Variants in BMP8A observed in about 807,000 individuals in gnomAD.
BMP8A encodes BMP-8A.
BMP8A carries 14 observed loss-of-function variants against 36.8 expected under a neutral mutation model. That is an observed-to-expected ratio of 0.38 (90% CI 0.25 to 0.60). The LOEUF (loss-of-function observed/expected upper bound fraction) is 0.60, where lower values mean the gene tolerates loss of function less well. Among genes scored for constraint, BMP8A ranks in the 20% least tolerant of loss-of-function variants. The pLI is 0.63. For missense variants in BMP8A, 267 were observed against 551.1 expected (o/e 0.48, Z 5.16); for synonymous variants, 120 against 237.7 (o/e 0.50, Z 4.55).
chr1:39,515,604 C>A (rs1208975862), intron 3 of BMP8A: 1 of 1,531,160 alleles, frequency 6.5e-7, no homozygotes, highest in Non-Finnish European at 8.9e-7. Flanking sequence ...GAAGGCCGAC[C>A]GGGCAGGAAA....
chr1:39,523,759 G>A, intron 6 of BMP8A: 1 of 1,220,576 alleles, frequency 8.2e-7, no homozygotes, highest in Non-Finnish European at 1.0e-6. Context: ...TGAGTGCTCT[G>A]TGTGTTTGCG....
rs374984074 is a variant in BMP8A at position 39,525,634 on chromosome 1, T to C, written c.1060-15T>C. The stretch of plus-strand genomic sequence containing the variant: ...ACTGGCCTCATGCCCCTGCCTGTGC[T>C]CCCTTCCTGGCCAGGTGCACCTGAT... On this transcript the variant is annotated splice_polypyrimidine_tract_variant and intron_variant, in intron 6 of 6. Coordinates refer to ENST00000331593, the MANE Select transcript of BMP8A (RefSeq NM_181809.4). The C allele has an allele frequency of 1.2e-5, 19 of 1,613,274 alleles. No homozygotes were observed. Among genetic ancestry groups the C allele is most frequent in the Middle Eastern group, 1.7e-4 (1 of 5,882 alleles).
Position 39,525,956 on chromosome 1 carries a change from C to T in BMP8A, c.*158C>T. ...TCAGGCTTCTGGTCCTTTCTCGGTACCTCTGTGCCCCTCCCCTGGGGTTTG... is the reference window on the plus strand; with the variant it reads ...TCAGGCTTCTGGTCCTTTCTCGGTATCTCTGTGCCCCTCCCCTGGGGTTTG... On this transcript the variant is annotated 3_prime_UTR_variant, in exon 7 of 7. Transcript: ENST00000331593. 1 of 1,254,354 alleles carries T rather than the reference C, an allele frequency of 8.0e-7. No homozygotes were observed. 77.7% of individuals were successfully genotyped at this position (1,254,354 alleles called of 1,614,324 possible).
intron 1 of BMP8A, among the ~76,000 whole-genome samples, chr1:39,492,658 A>G (rs141980788): frequency 0.028 from 4,295 of 152,338 alleles, 77 homozygotes; most frequent in South Asian, 0.042. Context: ...GAGACAGGTG[A>G]GTAAACAGAG....
intron 3 of BMP8A, among the ~76,000 whole-genome samples, chr1:39,518,767 C>G (rs783809): frequency 0.05 from 7,423 of 147,162 alleles, 311 homozygotes; most frequent in African/African-American, 0.18. Context: ...GCTCTGAACC[C>G]AGACCCACTG....
Position 39,492,293 on chromosome 1 carries a change from G to A in BMP8A, c.302G>A (p.Arg101His), listed in dbSNP as rs753564081. ...DGAPAEQRLG[R>H]ADLVMSFVNM... is the part of the protein sequence containing the mutation. Reference sequence around the variant, plus strand: ...GCGCCCGCGGAGCAGCGCCTGGGCCGCGCCGACCTGGTCATGAGCTTCGTC... The same window carrying A: ...GCGCCCGCGGAGCAGCGCCTGGGCCACGCCGACCTGGTCATGAGCTTCGTC... The change falls in exon 1 of 7, where the codon CGC becomes CAC. Residue 101 changes from arginine (R) to histidine (H), a missense_variant. By Grantham distance (29) the Arg-to-His change is conservative. Transcript: ENST00000331593. 2.6e-6 allele frequency: 4 copies of A among 1,563,500 alleles called. No individual in the cohort carries two copies. The East Asian group carries it at 7.4e-5, about 29-fold the overall frequency.
At chr1:39,500,288 G>A (rs570545036) in intron 1 of BMP8A, among the ~76,000 whole-genome samples, 5 of 152,140 alleles carry the variant, frequency 3.3e-5, no homozygotes, top group Non-Finnish European at 7.4e-5. Flanking sequence ...TAGCATTTTT[G>A]AAAGGCAGTG....
chr1:39,509,030 G>A (rs775900975), intron 1 of BMP8A, among the ~76,000 whole-genome samples: 17 of 152,172 alleles, frequency 1.1e-4, no homozygotes, highest in Admixed American at 9.2e-4. Context: ...CAGCACGGGC[G>A]TCCCCACAGA....
chr1:39,492,766 G>T (rs1231797169), intron 1 of BMP8A, among the ~76,000 whole-genome samples: 1 of 152,224 alleles, frequency 6.6e-6, no homozygotes, highest in Non-Finnish European at 1.5e-5. Context: ...CCAGAGCTGA[G>T]TCGCGTGCCC....
intron 6 of BMP8A, among the ~76,000 whole-genome samples, chr1:39,525,436 A>G (rs146038994): frequency 1.3e-5 from 2 of 152,168 alleles, no homozygotes; most frequent in Non-Finnish European, 2.9e-5. Flanking sequence ...GCTGCCATGT[A>G]TCCCTCCCTG....
At chr1:39,509,150 C>G (rs1006619699) in intron 1 of BMP8A, among the ~76,000 whole-genome samples, 1 of 152,194 alleles carries the variant, frequency 6.6e-6, no homozygotes, top group East Asian at 1.9e-4. Context: ...AGCAGCCCTG[C>G]TGTGCCCTGG....
intron 1 of BMP8A, among the ~76,000 whole-genome samples, chr1:39,510,807 C>G (rs978681947): frequency 2.6e-5 from 4 of 152,230 alleles, no homozygotes; most frequent in African/African-American, 9.6e-5. Context: ...GGTCCAATGT[C>G]CATCTTCCCT....
At chr1:39,507,891 C>T (rs551062596) in intron 1 of BMP8A, among the ~76,000 whole-genome samples, 1 of 152,286 alleles carries the variant, frequency 6.6e-6, no homozygotes, top group South Asian at 2.1e-4. Flanking sequence ...AAAGATCAGG[C>T]AGGTGAAAAG....
intron 1 of BMP8A, among the ~76,000 whole-genome samples, chr1:39,496,877 A>C (rs1005139009): frequency 6.6e-6 from 1 of 152,224 alleles, no homozygotes; most frequent in African/African-American, 2.4e-5. Flanking sequence ...ATTTATAGAA[A>C]TAATGCATGC....
intron 1 of BMP8A, among the ~76,000 whole-genome samples, chr1:39,508,227 G>T (rs1457274149): frequency 6.6e-6 from 1 of 151,122 alleles, no homozygotes. Flanking sequence ...CTGCAGCCTG[G>T]GAGACAGAGC....
intron 1 of BMP8A, among the ~76,000 whole-genome samples, chr1:39,501,335 G>A (rs980267765): frequency 2.0e-5 from 3 of 152,298 alleles, no homozygotes; most frequent in Admixed American, 6.5e-5. Flanking sequence ...ACTGTAGCAA[G>A]GGGTATATTA....
intron 3 of BMP8A, among the ~76,000 whole-genome samples, chr1:39,516,936 T>C (rs698139): frequency 0.059 from 8,927 of 151,660 alleles, 663 homozygotes; most frequent in African/African-American, 0.19. Context: ...TGTGAGTTTG[T>C]GATTGGAAGA....
rs750426402 is a variant in BMP8A at position 39,522,422 on chromosome 1, C to T, written c.888C>T (p.His296=). The T allele has an allele frequency of 4.4e-6, 7 of 1,609,018 alleles. No homozygotes were observed. Among genetic ancestry groups the T allele is most frequent in the South Asian group, 3.3e-5 (3 of 89,816 alleles). The part of the protein sequence containing the change: ...PGIFDDVRGS[H]GRQVCRRHEL... ...CTGCAGATGACGTCCGCGGCTCCCA[C>T]GGCCGGCAGGTCTGCCGTCGGCACG... The change falls in exon 5 of 7, where the codon CAC becomes CAT. Residue 296 remains histidine (H), a synonymous_variant. Coordinates refer to ENST00000331593, the MANE Select transcript of BMP8A (RefSeq NM_181809.4).
intron 1 of BMP8A, among the ~76,000 whole-genome samples, chr1:39,495,982 C>A (rs1398904907): frequency 6.7e-6 from 1 of 150,320 alleles, no homozygotes; most frequent in Non-Finnish European, 1.5e-5. Flanking sequence ...TGGCCATGGA[C>A]AGGGGTGTTG....
Sources: gnomAD v4.1 joint callset for allele counts (sites outside exome capture counted in the v4.1 genomes callset) on GRCh38, gnomAD v4.1.1 for gene constraint, MANE v1.5 for transcripts, NCBI Gene and HGNC (gene_info 2026-07-23, HGNC 2026-07-21) for gene names.